HIP1: variants seen among roughly 807,000 people sequenced by gnomAD.
The protein encoded by HIP1 is huntingtin-interacting protein 1.
HIP1 carries 65 observed loss-of-function variants against 147.6 expected under a neutral mutation model. The observed-to-expected ratio is 0.44, with a 90% CI of 0.36 to 0.54. HIP1 has a LOEUF of 0.54. Among genes scored for constraint, HIP1 ranks in the 20% least tolerant of loss-of-function variants. The probability of loss-of-function intolerance (pLI) is 0.00; values close to 1 mark genes in which losing one functional copy is unlikely to be tolerated. For missense variants in HIP1, 1,061 were observed against 1,299.6 expected (o/e 0.82, Z 2.82); for synonymous variants, 479 against 504.0 (o/e 0.95, Z 0.67).
At position 75,576,688 on chromosome 7, in the gene HIP1, G is replaced by C. The variant is rs587701058; in HGVS notation, c.605-2787C>G. Among the ~76,000 whole-genome samples the C allele has an allele frequency of 2.6e-5, 4 of 152,138 alleles. No individual in the cohort carries two copies. The South Asian group carries it at 8.3e-4, about 32-fold the overall frequency. On this transcript the variant is annotated intron_variant, in intron 7 of 30. Coordinates refer to ENST00000336926, the MANE Select transcript of HIP1 (RefSeq NM_005338.7). ...CCCACCACTGCACTCCAGCCTGAAC[G>C]ACAGAGCAAGGCTCCGTTTCAGAGA...
chr7:75,680,692 C>T (rs1198916429), intron 1 of HIP1, among the ~76,000 whole-genome samples: 1 of 152,072 alleles, frequency 6.6e-6, no homozygotes, highest in East Asian at 1.9e-4. Flanking sequence ...TCACTGCAAC[C>T]TCCGCCTCCC....
In HIP1 at chr7:75,715,636, G is replaced by A. The variant is rs1200648742; in HGVS notation, c.120+23165C>T. Among the ~76,000 whole-genome samples the A allele has an allele frequency of 6.0e-5, 9 of 149,848 alleles. No individual in the cohort carries two copies. The Admixed American group carries it at 6.0e-4, about 10-fold the overall frequency. On this transcript the variant is annotated intron_variant, in intron 1 of 30. Transcript: ENST00000336926. ...AAAATACAAGAAAAATTAGTGGGAT[G>A]TGGTGGCAGGCACCTGTAATCCCAG...
rs1016990620 is a variant in HIP1 at position 75,567,732 on chromosome 7, C to T, written c.803+467G>A. ...AGGAGAATCACTTGAACCCAGGAGG[C>T]GGAGGTTGCAGTGAGCCGAGATCGT... On this transcript the variant is annotated intron_variant, in intron 9 of 30. Transcript: ENST00000336926. Among the ~76,000 whole-genome samples the T allele has an allele frequency of 3.5e-4, 52 of 148,742 alleles. 4 individuals carry two copies. Among genetic ancestry groups the T allele is most frequent in the African/African-American group, 1.2e-3 (45 of 38,308 alleles).
chr7:75,738,715 C>T, intron 1 of HIP1, 86 bp downstream of exon 1: 1 of 1,461,318 alleles, frequency 6.8e-7, no homozygotes, highest in Non-Finnish European at 9.3e-7. Flanking sequence ...CTGGGGCCTG[C>T]AAGACTCCTA....
intron 12 of HIP1, 88 bp downstream of exon 12, chr7:75,561,982 CATT>C (rs1795244210): frequency 1.3e-6 from 1 of 780,520 alleles, no homozygotes; most frequent in Admixed American, 1.9e-5. Context: ...GCCCCAGTAT[CATT>C]AAGAATTCCT....
At chr7:75,547,898 T>C in intron 23 of HIP1, 85 bp from the exon 24 acceptor site, 1 of 1,247,536 alleles carries the variant, frequency 8.0e-7, no homozygotes, top group South Asian at 1.2e-5. Context: ...TCCAACATCG[T>C]GTGGTAGCTG....
chr7:75,644,327 T>C (rs1798737288), intron 1 of HIP1, among the ~76,000 whole-genome samples: 1 of 152,162 alleles, frequency 6.6e-6, no homozygotes, highest in African/African-American at 2.4e-5. Flanking sequence ...GGAATTTCAC[T>C]CTTGTTGCCC....
At chr7:75,685,105 A>C (rs781817567) in intron 1 of HIP1, among the ~76,000 whole-genome samples, 1 of 151,716 alleles carries the variant, frequency 6.6e-6, no homozygotes, top group Non-Finnish European at 1.5e-5. Flanking sequence ...AAAATAAATA[A>C]ATAAAAATAA....
chr7:75,580,388 A>G (rs587761705), intron 7 of HIP1, among the ~76,000 whole-genome samples: 3 of 152,090 alleles, frequency 2.0e-5, no homozygotes, highest in African/African-American at 7.2e-5. Context: ...GAGAGAGGCC[A>G]GTAGGAAGGG....
chr7:75,549,959 T>C (rs1554491823), intron 22 of HIP1, among the ~76,000 whole-genome samples: 2 of 151,872 alleles, frequency 1.3e-5, no homozygotes, highest in Admixed American at 6.6e-5. Flanking sequence ...TGAATTACTA[T>C]ACCTGGCCTA....
Position 75,535,689 on chromosome 7 carries a change from A to G in HIP1, c.*2483T>C, listed in dbSNP as rs1038993405. The G allele has an allele frequency of 1.7e-5, 3 of 177,236 alleles. No individual in the cohort carries two copies. The highest frequency in any genetic ancestry group is 2.4e-5 in the Non-Finnish European group (2 of 83,456). 11.0% of individuals were successfully genotyped at this position (177,236 alleles called of 1,614,324 possible). On this transcript the variant is annotated 3_prime_UTR_variant, in exon 31 of 31. Transcript: ENST00000336926. The stretch of plus-strand genomic sequence containing the variant: ...AGAGAATCTTAATTTGATCCATTAC[A>G]CTAGACTGTTTGCCCCATTTGTAAT...
intron 1 of HIP1, among the ~76,000 whole-genome samples, chr7:75,719,535 T>C (rs1381556398): frequency 6.6e-6 from 1 of 151,170 alleles, no homozygotes; most frequent in African/African-American, 2.4e-5. Context: ...TAATAGGAGC[T>C]GGTATTTCTC....
chr7:75,709,483 T>C (rs181876555), intron 1 of HIP1, among the ~76,000 whole-genome samples: 1 of 152,352 alleles, frequency 6.6e-6, no homozygotes, highest in African/African-American at 2.4e-5. Context: ...AGATCGTTCA[T>C]TGTTCATGTT....
At chr7:75,709,435 G>T (rs1376919921) in intron 1 of HIP1, among the ~76,000 whole-genome samples, 2 of 152,032 alleles carry the variant, frequency 1.3e-5, no homozygotes, top group African/African-American at 4.8e-5. Flanking sequence ...TCTTTTTGGT[G>T]CTATTGTAAA....
intron 1 of HIP1, among the ~76,000 whole-genome samples, chr7:75,713,161 G>A (rs1801209678): frequency 6.6e-6 from 1 of 152,208 alleles, no homozygotes; most frequent in African/African-American, 2.4e-5. Flanking sequence ...TGGGGAACCT[G>A]GCCGGCAGTG....
chr7:75,727,930 G>A (rs1449270908), intron 1 of HIP1, among the ~76,000 whole-genome samples: 2 of 151,426 alleles, frequency 1.3e-5, no homozygotes, highest in Admixed American at 6.6e-5. Context: ...CCCGGCTTCC[G>A]CTTTAAAGGG....
chr7:75,664,599 GAGA>G (rs1799500152), intron 1 of HIP1, among the ~76,000 whole-genome samples: 3 of 130,928 alleles, frequency 2.3e-5, no homozygotes, highest in Non-Finnish European at 3.2e-5. Flanking sequence ...TGTATAGGGA[GAGA>G]GAGAGAGAGA....
rs917093631 is a variant in HIP1 at position 75,557,732 on chromosome 7, T to A, written c.1503A>T (p.Gln501His). ...TCTCTCGTTCCAAATCTACCTGGGC[T>A]TGTCTGGCCATGGACACCTGTTTGG... ...EVTKQVSMAR[Q>H]AQVDLEREKK... Residue 501 changes from glutamine (Q) to histidine (H), a missense_variant, in exon 16 of 31, where the codon CAA becomes CAT. Gln to His is a conservative substitution (Grantham distance 24). This residue lies in a region of HIP1 where 810 missense variants were observed against 946.8 expected (regional missense o/e 0.86). Coordinates refer to ENST00000336926, the MANE Select transcript of HIP1 (RefSeq NM_005338.7). The A allele has an allele frequency of 3.1e-6, 5 of 1,614,158 alleles. No individual in the cohort carries two copies. The highest frequency in any genetic ancestry group is 4.2e-6 in the Non-Finnish European group (5 of 1,180,026).
At chr7:75,587,738 A>G (rs1378386675) in intron 4 of HIP1, among the ~76,000 whole-genome samples, 1 of 152,062 alleles carries the variant, frequency 6.6e-6, no homozygotes, top group African/African-American at 2.4e-5. Flanking sequence ...CCGAGGAGGG[A>G]GGATTGCTTG....
Sources: gnomAD v4.1 joint callset for allele counts (sites outside exome capture counted in the v4.1 genomes callset) on GRCh38, gnomAD v4.1.1 for gene constraint, gnomAD v4.1.1 regional missense constraint, MANE v1.5 for transcripts, NCBI Gene and HGNC (gene_info 2026-07-23, HGNC 2026-07-21) for gene names.